Variants in PTPN13 observed in about 807,000 individuals in gnomAD.
The protein encoded by PTPN13 is tyrosine-protein phosphatase non-receptor type 13.
PTPN13 carries 191 observed loss-of-function variants against 284.0 expected under a neutral mutation model. That is an observed-to-expected ratio of 0.67 (90% CI 0.60 to 0.76). The LOEUF (loss-of-function observed/expected upper bound fraction) is 0.76. Ranked by LOEUF, PTPN13 falls within the 30% of genes least tolerant of loss-of-function variation. PTPN13 has a pLI of 0.00. For missense variants in PTPN13, 2,797 were observed against 2,939.9 expected, an observed-to-expected ratio of 0.95 and a Z score of 1.12; for synonymous variants, 986 against 1,022.3, an observed-to-expected ratio of 0.96 and a Z score of 0.68.
At chr4:86,703,682 T>C (rs1209809329) in intron 7 of PTPN13, among the ~76,000 whole-genome samples, 2 of 151,728 alleles carry the variant, frequency 1.3e-5, no homozygotes, top group Non-Finnish European at 2.9e-5. Flanking sequence ...GTCTGGGCAA[T>C]ATAGCAAGAC....
intron 1 of PTPN13, among the ~76,000 whole-genome samples, chr4:86,602,193 A>G (rs1291515518): frequency 6.6e-6 from 1 of 152,150 alleles, no homozygotes; most frequent in Non-Finnish European, 1.5e-5. Flanking sequence ...ATTTAGAGAA[A>G]CAGTATAGTA....
In PTPN13 at chr4:86,629,877, C is replaced by T. The variant is rs1011612723; in HGVS notation, c.-5-5375C>T. Among the ~76,000 whole-genome samples, 5 of 152,080 alleles carry T rather than the reference C, an allele frequency of 3.3e-5. No homozygotes were observed. In the South Asian group the frequency reaches 6.2e-4, roughly 19 times the overall value. On this transcript the variant is annotated intron_variant, in intron 1 of 47. Transcript: ENST00000411767. ...GCTCAAGCAATCCTCCCATCTCAAC[C>T]TCTCAGGTAGCTGGGACTACAGGCA...
chr4:86,629,002 C>T (rs1722164248), intron 1 of PTPN13, among the ~76,000 whole-genome samples: 1 of 151,866 alleles, frequency 6.6e-6, no homozygotes, highest in South Asian at 2.1e-4. Context: ...ATTTATAGTC[C>T]TTTGGGTATA....
At chr4:86,700,223 TTTA>T (rs144482413) in intron 6 of PTPN13, among the ~76,000 whole-genome samples, 3 of 152,126 alleles carry the variant, frequency 2.0e-5, no homozygotes, top group Non-Finnish European at 2.9e-5. Context: ...TAACAAGCAA[TTTA>T]TTATTATTAA....
intron 23 of PTPN13, among the ~76,000 whole-genome samples, chr4:86,761,028 C>A (rs1387948194): frequency 2.0e-5 from 3 of 150,596 alleles, no homozygotes; most frequent in Admixed American, 1.3e-4. Context: ...TATGCAAAAC[C>A]TATGAAATAA....
chr4:86,719,291 C>T (rs1733380943), intron 9 of PTPN13, among the ~76,000 whole-genome samples: 1 of 152,146 alleles, frequency 6.6e-6, no homozygotes, highest in Non-Finnish European at 1.5e-5. Context: ...TATCCATGTT[C>T]CCACAAAAGA....
chr4:86,809,878 T>A lies in PTPN13; in HGVS notation c.7193T>A (p.Ile2398Asn). The A allele has an allele frequency of 6.2e-7, 1 of 1,614,024 alleles. No homozygotes were observed. The highest frequency in any genetic ancestry group is 2.2e-5 in the East Asian group (1 of 44,882). ...LLTFISYMRH[I>N]HRSGPIITHC... is the part of the protein sequence containing the mutation. ...ACTTTTATCTCCTACATGAGACACA[T>A]CCACAGATCAGGCCCAATCATTACG... The change falls in exon 46 of 48, where the codon ATC becomes AAC. Residue 2398 changes from isoleucine to asparagine, a missense_variant. By Grantham distance (149) the Ile-to-Asn change is moderately radical. Coordinates refer to ENST00000411767, the MANE Select transcript of PTPN13 (RefSeq NM_080683.3).
chr4:86,610,546 G>A (rs1022369537), intron 1 of PTPN13, among the ~76,000 whole-genome samples: 1 of 152,242 alleles, frequency 6.6e-6, no homozygotes, highest in Non-Finnish European at 1.5e-5. Flanking sequence ...GATGAAAACT[G>A]TAGTGAACTA....
chr4:86,726,462 T>C (rs1565424042), intron 10 of PTPN13, among the ~76,000 whole-genome samples: 2 of 149,496 alleles, frequency 1.3e-5, no homozygotes, highest in South Asian at 4.2e-4. Context: ...CATGGAATTT[T>C]CTTCCATTTG....
chr4:86,606,673 A>T (rs967439174), intron 1 of PTPN13, among the ~76,000 whole-genome samples: 2 of 151,948 alleles, frequency 1.3e-5, no homozygotes, highest in African/African-American at 4.8e-5. Context: ...AATGCAATTC[A>T]ATAAATAGGT....
intron 15 of PTPN13, among the ~76,000 whole-genome samples, chr4:86,737,363 T>G (rs1263288820): frequency 2.6e-5 from 4 of 152,078 alleles, no homozygotes; most frequent in Non-Finnish European, 5.9e-5. Flanking sequence ...GTTAGCAAAC[T>G]GTGGCCTGCC....
chr4:86,689,275 G>T, intron 5 of PTPN13, 85 bp downstream of exon 5: 2 of 1,107,454 alleles, frequency 1.8e-6, no homozygotes, highest in Non-Finnish European at 2.6e-6. Flanking sequence ...TACTATATAG[G>T]TAGCATTTTC....
rs1723653402 is a variant in PTPN13 at position 86,640,463 on chromosome 4, G to GTAT, written c.115+5094_115+5096dup. ...TTAAGAAATACCTTCTACTTGTGAG[G>GTAT]TATTGTGTGGAAGATCCAAATAAGT... On this transcript the variant is annotated intron_variant, in intron 2 of 47. Transcript: ENST00000411767. 2.0e-5 allele frequency among the ~76,000 whole-genome samples: 3 copies of GTAT among 152,256 alleles called. No individual in the cohort carries two copies. The South Asian group carries it at 6.2e-4, about 32-fold the overall frequency.
chr4:86,677,941 A>T (rs981300956), intron 3 of PTPN13, among the ~76,000 whole-genome samples: 1 of 152,132 alleles, frequency 6.6e-6, no homozygotes, highest in Admixed American at 6.5e-5. Flanking sequence ...ATCCTAAAAT[A>T]ATTCTATTTC....
intron 1 of PTPN13, among the ~76,000 whole-genome samples, chr4:86,620,958 G>T (rs957177612): frequency 6.6e-6 from 1 of 152,090 alleles, no homozygotes; most frequent in East Asian, 1.9e-4. Flanking sequence ...ATCTGTTGTC[G>T]CAAGAAGACT....
At position 86,809,785 on chromosome 4, in the gene PTPN13, A is replaced by G; in HGVS notation, c.7100A>G (p.His2367Arg). The G allele has an allele frequency of 6.2e-7, 1 of 1,613,966 alleles. No homozygotes were observed. The highest frequency in any genetic ancestry group is 8.5e-7 in the Non-Finnish European group (1 of 1,179,814). Residue 2367 changes from histidine (H) to arginine (R), a missense_variant, in exon 46 of 48, where the codon CAT (histidine) becomes CGT (arginine). By Grantham distance (29) the His-to-Arg change is conservative. Transcript: ENST00000411767. ...LEDIQTREVR[H>R]ISHLNFTAWP... Reference sequence around the variant, plus strand: ...CAATTTCAGACCAGAGAGGTGCGCCATATTTCTCATCTGAATTTCACTGCC... The same window carrying G: ...CAATTTCAGACCAGAGAGGTGCGCCGTATTTCTCATCTGAATTTCACTGCC...
chr4:86,732,872 A>T, intron 12 of PTPN13, 106 bp downstream of exon 12: 4 of 903,844 alleles, frequency 4.4e-6, no homozygotes, highest in Non-Finnish European at 6.4e-6. Context: ...TAGTAACTAA[A>T]TGAACTAGTC....
chr4:86,682,882 G>C (rs78127505), intron 3 of PTPN13, among the ~76,000 whole-genome samples: 7,091 of 152,136 alleles, frequency 0.047, 222 homozygotes, highest in African/African-American at 0.06. Context: ...TTTGTATTCT[G>C]TAAGAAATAT....
At chr4:86,657,124 A>G (rs1478053122) in intron 2 of PTPN13, among the ~76,000 whole-genome samples, 1 of 152,144 alleles carries the variant, frequency 6.6e-6, no homozygotes, top group African/African-American at 2.4e-5. Flanking sequence ...GCCATCTGTC[A>G]CAGCTTCCCT....
Sources: allele counts gnomAD v4.1 joint callset (sites outside exome capture counted in the v4.1 genomes callset), GRCh38; gene constraint gnomAD v4.1.1; transcripts MANE v1.5; gene names NCBI Gene and HGNC (gene_info 2026-07-23, HGNC 2026-07-21).